The following ALPK1 variants were observed in gnomAD, a reference collection of about 807,000 sequenced individuals.
The protein encoded by ALPK1 is alpha kinase 1.
A neutral mutation model predicts 120.6 loss-of-function variants in ALPK1; 110 were observed. That is an observed-to-expected ratio of 0.91 (90% CI 0.78 to 1.07). The LOEUF (loss-of-function observed/expected upper bound fraction) is 1.07. ALPK1 is among the 50% of genes least tolerant of loss of function. The probability of loss-of-function intolerance (pLI) is 0.00; values close to 1 mark genes in which losing one functional copy is unlikely to be tolerated. For missense variants in ALPK1, 1,498 were observed against 1,483.9 expected (o/e 1.01, Z -0.16); for synonymous variants, 582 against 560.3 (o/e 1.04, Z -0.55).
chr4:112,361,258 G>A (rs1051805428), intron 2 of ALPK1, among the ~76,000 whole-genome samples: 1 of 152,202 alleles, frequency 6.6e-6, no homozygotes. Context: ...GGACAGCCGA[G>A]GAACTGTGAG....
chr4:112,397,403 T>A (rs1732698571), intron 4 of ALPK1, among the ~76,000 whole-genome samples: 1 of 152,258 alleles, frequency 6.6e-6, no homozygotes. Flanking sequence ...ACACTAGGCA[T>A]GAATTATTAG....
chr4:112,349,555 C>CA (rs1553939372), intron 2 of ALPK1, among the ~76,000 whole-genome samples: 1 of 142,584 alleles, frequency 7.0e-6, no homozygotes, highest in Non-Finnish European at 1.5e-5. Context: ...ACCCCTGCCC[C>CA]CCCCCGCTTT....
chr4:112,357,753 G>T, intron 2 of ALPK1: 1 of 1,250,550 alleles, frequency 8.0e-7, no homozygotes. Context: ...GGAAGGCTCT[G>T]GGCAACATCG....
At chr4:112,387,220 C>T (rs1486716236) in intron 4 of ALPK1, among the ~76,000 whole-genome samples, 1 of 152,134 alleles carries the variant, frequency 6.6e-6, no homozygotes, top group African/African-American at 2.4e-5. Context: ...AGTTTTCACT[C>T]TTCTAAACAA....
intron 2 of ALPK1, among the ~76,000 whole-genome samples, chr4:112,332,800 G>A (rs1301948147): frequency 6.6e-6 from 1 of 152,174 alleles, no homozygotes; most frequent in Non-Finnish European, 1.5e-5. Context: ...CTGTAGTGGT[G>A]TTATATGTCC....
intron 1 of ALPK1, among the ~76,000 whole-genome samples, chr4:112,307,410 A>G (rs1728138571): frequency 6.6e-6 from 1 of 151,932 alleles, no homozygotes; most frequent in African/African-American, 2.4e-5. Flanking sequence ...GTCTCTAAGG[A>G]CTTGCTTTAT....
At chr4:112,427,773 T>A (rs191970455) in intron 9 of ALPK1, 108 bp downstream of exon 9, 115 of 758,090 alleles carry the variant, frequency 1.5e-4, no homozygotes, top group African/African-American at 2.2e-4. Context: ...GGGAGCTCAG[T>A]GCTGCGCCTC....
intron 5 of ALPK1, among the ~76,000 whole-genome samples, chr4:112,413,366 G>C (rs1733578949): frequency 6.6e-6 from 1 of 152,200 alleles, no homozygotes; most frequent in Non-Finnish European, 1.5e-5. Context: ...GGTAAACAGG[G>C]ACGTTGACAG....
intron 2 of ALPK1, among the ~76,000 whole-genome samples, chr4:112,367,961 G>A (rs543946864): frequency 1.3e-5 from 2 of 152,266 alleles, no homozygotes; most frequent in South Asian, 4.1e-4. Flanking sequence ...GAGTGCAGTG[G>A]CATGATGTTG....
rs568142673 is a variant in ALPK1 at position 112,406,328 on chromosome 4, A to G, written c.277-5499A>G. Among the ~76,000 whole-genome samples, 87 of 152,362 alleles carry G rather than the reference A, an allele frequency of 5.7e-4. 1 individual carries two copies. The highest frequency in any genetic ancestry group is 3.7e-3 in the Admixed American group (57 of 15,306). ...AGGGAAGGAAATCTTGCCACATGCC[A>G]CAATATGGATGAACCTTGAATATAT... On this transcript the variant is annotated intron_variant, in intron 4 of 15. Transcript: ENST00000650871.
chr4:112,408,191 G>A (rs75700541), intron 4 of ALPK1, among the ~76,000 whole-genome samples: 3,137 of 152,194 alleles, frequency 0.021, 67 homozygotes, highest in South Asian at 0.078. Flanking sequence ...GCATTCACAG[G>A]CTATCTGAGT....
In ALPK1 at chr4:112,431,886, C is replaced by G; in HGVS notation, c.2339C>G (p.Ala780Gly). 6.2e-7 allele frequency: 1 copy of G among 1,613,986 alleles called. No individual in the cohort carries two copies. The highest frequency in any genetic ancestry group is 1.1e-5 in the South Asian group (1 of 91,086). The change falls in exon 11 of 16, where the codon GCT becomes GGT. Residue 780 changes from alanine (A) to glycine (G), a missense_variant. Ala to Gly is a moderately conservative substitution (Grantham distance 60, BLOSUM62 0). Coordinates refer to ENST00000650871, the MANE Select transcript of ALPK1 (RefSeq NM_025144.4). ...SERGAGPTFKASPSWVDPEGE... is the reference protein window; with the variant it reads ...SERGAGPTFKGSPSWVDPEGE... The stretch of plus-strand genomic sequence containing the variant: ...AGAGGCGCAGGCCCTACATTTAAAG[C>G]TAGTCCCTCCTGGGTTGACCCAGAA...
At chr4:112,328,949 G>A (rs563935591) in intron 2 of ALPK1, among the ~76,000 whole-genome samples, 11 of 152,298 alleles carry the variant, frequency 7.2e-5, no homozygotes, top group Non-Finnish European at 1.0e-4. Flanking sequence ...GTGAAGGGAC[G>A]TCACTAGGCT....
At chr4:112,310,459 A>G (rs1439830203) in intron 1 of ALPK1, among the ~76,000 whole-genome samples, 3 of 152,120 alleles carry the variant, frequency 2.0e-5, no homozygotes, top group Non-Finnish European at 4.4e-5. Flanking sequence ...ATTCTGTATC[A>G]GCGGGTATGT....
chr4:112,331,623 G>C (rs771324386), intron 2 of ALPK1, among the ~76,000 whole-genome samples: 8 of 152,320 alleles, frequency 5.3e-5, no homozygotes, highest in Middle Eastern at 3.4e-3. Flanking sequence ...ATATGACAGT[G>C]TATTATGCAT....
intron 2 of ALPK1, among the ~76,000 whole-genome samples, chr4:112,353,183 T>A (rs1311600157): frequency 1.3e-5 from 2 of 152,028 alleles, no homozygotes; most frequent in African/African-American, 4.8e-5. Flanking sequence ...TCCATGTTAT[T>A]CAGGCTGATC....
At chr4:112,322,109 C>T (rs6810537) in intron 2 of ALPK1, among the ~76,000 whole-genome samples, 70,254 of 152,088 alleles carry the variant, frequency 0.46, 18,543 homozygotes, top group African/African-American at 0.7. Flanking sequence ...AACACCCAGA[C>T]TGGCTTATTT....
intron 2 of ALPK1, among the ~76,000 whole-genome samples, chr4:112,330,375 G>T (rs1396050321): frequency 1.3e-5 from 2 of 152,154 alleles, no homozygotes; most frequent in African/African-American, 4.8e-5. Flanking sequence ...AGCTATAAAG[G>T]TAATCACCAC....
chr4:112,416,909 C>G (rs533921464), intron 5 of ALPK1, among the ~76,000 whole-genome samples: 3 of 149,856 alleles, frequency 2.0e-5, no homozygotes, highest in African/African-American at 7.3e-5. Flanking sequence ...TAAATAAATT[C>G]AAGACCATAC....
Sources: allele counts gnomAD v4.1 joint callset (sites outside exome capture counted in the v4.1 genomes callset), GRCh38; gene constraint gnomAD v4.1.1; transcripts MANE v1.5; gene names NCBI Gene and HGNC (gene_info 2026-07-23, HGNC 2026-07-21).